Variants in UBXN7 observed in about 807,000 individuals in gnomAD.
UBXN7 encodes the protein UBX domain-containing protein 7.
In UBXN7, 9 loss-of-function variants were observed where a neutral mutation model predicts 58.0. That is an observed-to-expected ratio of 0.16 (90% CI 0.09 to 0.27). The LOEUF is 0.27. UBXN7 is among the 10% of genes least tolerant of loss of function. The pLI is 1.00. For synonymous variants in UBXN7, 208 were observed against 205.0 expected (o/e 1.01, Z -0.12); for missense variants, 328 against 599.6 (o/e 0.55, Z 4.73).
chr3:196,362,273 G>A (rs1177432499), intron 9 of UBXN7, 21 bp downstream of exon 9: 1 of 1,562,596 alleles, frequency 6.4e-7, no homozygotes, highest in African/African-American at 1.4e-5. Flanking sequence ...TTGAAGTAAA[G>A]TATGTCTAAA....
In UBXN7 at chr3:196,351,226, C is replaced by A. The variant is rs1728201475; in HGVS notation, c.*5459G>T. On this transcript the variant is annotated 3_prime_UTR_variant, in exon 11 of 11. Transcript: ENST00000296328. ...AATCTTATACAAATCAATTTCCCAA[C>A]AGGCCAGTAAAGTACTTTAAGTACA... 1 of 152,218 alleles carries A rather than the reference C, an allele frequency of 6.6e-6. No homozygotes were observed. The highest frequency in any genetic ancestry group is 1.5e-5 in the Non-Finnish European group (1 of 68,032). The allele number at this position is 152,218 out of a possible 1,614,324, so 9.4% of individuals were successfully genotyped here.
At chr3:196,412,187 C>T (rs2108619069) in intron 1 of UBXN7, among the ~76,000 whole-genome samples, 1 of 133,112 alleles carries the variant, frequency 7.5e-6, no homozygotes, top group South Asian at 2.4e-4. Flanking sequence ...GCTGAGATCA[C>T]ACCACTGCAC....
At chr3:196,404,999 CAA>C (rs1253307214) in intron 2 of UBXN7, among the ~76,000 whole-genome samples, 1 of 152,014 alleles carries the variant, frequency 6.6e-6, no homozygotes, top group African/African-American at 2.4e-5. Flanking sequence ...ACAAAAAATA[CAA>C]AAATTAGTCA....
At position 196,354,214 on chromosome 3, in the gene UBXN7, G is replaced by A. The variant is rs1174951280; in HGVS notation, c.*2471C>T. On this transcript the variant is annotated 3_prime_UTR_variant, in exon 11 of 11. Coordinates refer to ENST00000296328, the MANE Select transcript of UBXN7 (RefSeq NM_015562.2). Reference sequence around the variant, plus strand: ...AGACATCCCAGCTGCATGTTAAGCTGAGTGAAAGTACCATGCTGTCTTTTA... The same window carrying A: ...AGACATCCCAGCTGCATGTTAAGCTAAGTGAAAGTACCATGCTGTCTTTTA... 6.6e-6 allele frequency: 1 copy of A among 152,176 alleles called. No individual in the cohort carries two copies. Among genetic ancestry groups the A allele is most frequent in the African/African-American group, 2.4e-5 (1 of 41,436 alleles). The allele number at this position is 152,176 out of a possible 1,614,324, so 9.4% of individuals were successfully genotyped here.
At chr3:196,406,522 C>T (rs1730167145) in intron 2 of UBXN7, among the ~76,000 whole-genome samples, 1 of 152,132 alleles carries the variant, frequency 6.6e-6, no homozygotes, top group African/African-American at 2.4e-5. Context: ...TCACTGCAAC[C>T]TCTGCCTCCT....
intron 5 of UBXN7, 111 bp downstream of exon 5, chr3:196,391,702 C>T (rs1729587563): frequency 2.7e-6 from 2 of 734,788 alleles, no homozygotes; most frequent in African/African-American, 3.6e-5. Context: ...TCACTGCAGT[C>T]CAGCCTGGAC....
At chr3:196,412,230 C>CAA (rs55746914) in intron 1 of UBXN7, among the ~76,000 whole-genome samples, 1,960 of 88,490 alleles carry the variant, frequency 0.022, 67 homozygotes, top group African/African-American at 0.059. Context: ...GACTTTGTCT[C>CAA]AAAAAAAAAA....
intron 5 of UBXN7, among the ~76,000 whole-genome samples, chr3:196,385,739 A>G (rs1235189124): frequency 6.9e-6 from 1 of 144,660 alleles, no homozygotes; most frequent in African/African-American, 2.6e-5. Context: ...GCAGCCGCCC[A>G]TCAGGGAGGT....
chr3:196,403,715 TTAAAA>T (rs1404032174), intron 2 of UBXN7, among the ~76,000 whole-genome samples: 3 of 152,140 alleles, frequency 2.0e-5, no homozygotes, highest in Middle Eastern at 3.2e-3. Context: ...CAAGGACATA[TTAAAA>T]TAAACTTTAA....
chr3:196,402,074 T>C (rs1730013322), intron 3 of UBXN7, among the ~76,000 whole-genome samples: 1 of 152,164 alleles, frequency 6.6e-6, no homozygotes, highest in African/African-American at 2.4e-5. Flanking sequence ...CAGACTGGAG[T>C]GCAGTGGCAG....
chr3:196,382,108 G>A (rs1363760231), intron 5 of UBXN7, among the ~76,000 whole-genome samples: 1 of 152,126 alleles, frequency 6.6e-6, no homozygotes, highest in East Asian at 1.9e-4. Flanking sequence ...TAGCAAGGCA[G>A]GCCAACATTC....
rs1728123970 is a variant in UBXN7 at position 196,347,896 on chromosome 3, C to T, written c.*8789G>A. 1 of 127,896 alleles carries T rather than the reference C, an allele frequency of 7.8e-6. No homozygotes were observed. Among genetic ancestry groups the T allele is most frequent in the Non-Finnish European group, 1.6e-5 (1 of 63,768 alleles). The allele number at this position is 127,896 out of a possible 1,614,324, so 7.9% of individuals were successfully genotyped here. A position where few individuals can be genotyped will look rare whatever the true frequency, so the allele number is the denominator to read the frequency against. Reference sequence around the variant, plus strand: ...TTCAAGTTGCAGTATTAATATAAAGCAACTGGGTACAACACAGCAAGAGTA... The same window carrying T: ...TTCAAGTTGCAGTATTAATATAAAGTAACTGGGTACAACACAGCAAGAGTA... On this transcript the variant is annotated 3_prime_UTR_variant, in exon 11 of 11. Transcript: ENST00000296328.
At chr3:196,420,197 T>G (rs190539171) in intron 1 of UBXN7, among the ~76,000 whole-genome samples, 2 of 152,242 alleles carry the variant, frequency 1.3e-5, no homozygotes, top group African/African-American at 2.4e-5. Context: ...AAAACAAGTT[T>G]GACAAGTTTA....
intron 5 of UBXN7, among the ~76,000 whole-genome samples, chr3:196,385,893 T>G (rs1269135412): frequency 6.6e-6 from 1 of 152,118 alleles, no homozygotes; most frequent in African/African-American, 2.4e-5. Context: ...AATAGCTCAT[T>G]GAGAACGGGC....
At chr3:196,384,814 G>C (rs1031826746) in intron 5 of UBXN7, among the ~76,000 whole-genome samples, 1 of 152,056 alleles carries the variant, frequency 6.6e-6, no homozygotes, top group African/African-American at 2.4e-5. Flanking sequence ...AATAATAAGA[G>C]ATATTTATGG....
In UBXN7 at chr3:196,417,075, G is replaced by A. The variant is rs181830150; in HGVS notation, c.74-9682C>T. The stretch of plus-strand genomic sequence containing the variant: ...ACGCCTGTAATCCCAGAACTTTGGG[G>A]GGCCGAGGCGGGCGGATCACAAGGT... On this transcript the variant is annotated intron_variant, in intron 1 of 10. Transcript: ENST00000296328. Among the ~76,000 whole-genome samples the A allele has an allele frequency of 3.5e-3, 539 of 152,278 alleles. 3 individuals carry two copies. The highest frequency in any genetic ancestry group is 7.8e-3 in the African/African-American group (323 of 41,568).
intron 5 of UBXN7, among the ~76,000 whole-genome samples, chr3:196,380,617 T>C (rs1729177079): frequency 6.6e-6 from 1 of 152,216 alleles, no homozygotes; most frequent in South Asian, 2.1e-4. Flanking sequence ...TTCATCTCAC[T>C]GGGACTGGGT....
intron 3 of UBXN7, among the ~76,000 whole-genome samples, chr3:196,401,813 GAAA>G: frequency 2.0e-5 from 1 of 51,128 alleles, no homozygotes. Flanking sequence ...AGAAAGAAAA[GAAA>G]AGAGAAGAGA....
At chr3:196,426,832 A>G (rs1057017291) in intron 1 of UBXN7, among the ~76,000 whole-genome samples, 1 of 151,352 alleles carries the variant, frequency 6.6e-6, no homozygotes, top group African/African-American at 2.4e-5. Flanking sequence ...TGGGCCACAG[A>G]GTGAGACTCT....
Sources: allele counts gnomAD v4.1 joint callset (sites outside exome capture counted in the v4.1 genomes callset), GRCh38; gene constraint gnomAD v4.1.1; transcripts MANE v1.5; gene names NCBI Gene and HGNC (gene_info 2026-07-23, HGNC 2026-07-21).